The following NRXN1 variants were observed in gnomAD, a reference collection of about 807,000 sequenced individuals.
NRXN1 encodes neurexin-1.
NRXN1 carries 39 observed loss-of-function variants against 150.9 expected under a neutral mutation model. That is an observed-to-expected ratio of 0.26 (90% CI 0.20 to 0.34). NRXN1 has a LOEUF of 0.34. Among genes scored for constraint, NRXN1 ranks in the 10% least tolerant of loss-of-function variants. NRXN1 has a pLI of 1.00. For synonymous variants in NRXN1, 924 were observed against 757.0 expected (o/e 1.22, Z -3.62); for missense variants, 1,815 against 1,949.9 (o/e 0.93, Z 1.30).
chr2:50,544,757 A>G lies in NRXN1; in HGVS notation c.1760-6121T>C, dbSNP rs966933252. On this transcript the variant is annotated intron_variant, in intron 9 of 22. Coordinates refer to ENST00000401669, the MANE Select transcript of NRXN1 (RefSeq NM_001330078.2). Reference sequence around the variant, plus strand: ...CCAATTCTCACATTCAATCCTAGAGATATTCTGACCAATATACACAAAGAT... The same window carrying G: ...CCAATTCTCACATTCAATCCTAGAGGTATTCTGACCAATATACACAAAGAT... Among the ~76,000 whole-genome samples, 9 of 152,140 alleles carry G rather than the reference A, an allele frequency of 5.9e-5. No homozygotes were observed. The East Asian group carries it at 1.7e-3, about 29-fold the overall frequency.
intron 18 of NRXN1, among the ~76,000 whole-genome samples, chr2:50,213,671 T>C (rs1169882407): frequency 6.6e-6 from 1 of 151,912 alleles, no homozygotes; most frequent in Middle Eastern, 3.2e-3. Context: ...AGTCAATTAA[T>C]TATCATGCCT....
At chr2:50,635,315 G>A (rs1238622247) in intron 5 of NRXN1, among the ~76,000 whole-genome samples, 3 of 149,364 alleles carry the variant, frequency 2.0e-5, no homozygotes, top group Non-Finnish European at 3.0e-5. Context: ...CCGCCACCAT[G>A]CCTAGCTTTT....
chr2:50,643,660 C>A (rs927610366), intron 5 of NRXN1, among the ~76,000 whole-genome samples: 45 of 151,892 alleles, frequency 3.0e-4, no homozygotes, highest in African/African-American at 1.1e-3. Context: ...GTATTGTATC[C>A]TTTATGTAAT....
intron 21 of NRXN1, among the ~76,000 whole-genome samples, chr2:49,984,295 A>G (rs1680528419): frequency 6.6e-6 from 1 of 152,230 alleles, no homozygotes; most frequent in Non-Finnish European, 1.5e-5. Flanking sequence ...CAGAACCAGA[A>G]TTCACATATT....
rs985123243 is a variant in NRXN1 at position 50,308,718 on chromosome 2, C to T, written c.3365-71748G>A. 5.3e-5 allele frequency among the ~76,000 whole-genome samples: 8 copies of T among 152,008 alleles called. No individual in the cohort carries two copies. In the South Asian group the frequency reaches 8.3e-4, roughly 16 times the overall value. ...CATGCAATATTTTTCTTTCTGCGTC[C>T]GGCTTATTTCACTTAGTGTTACGCT... On this transcript the variant is annotated intron_variant, in intron 17 of 22. Transcript: ENST00000401669.
rs574515657 is a variant in NRXN1, at chr2:50,598,733, T to C, written c.1320+21289A>G. On this transcript the variant is annotated intron_variant, in intron 8 of 22. Coordinates refer to ENST00000401669, the MANE Select transcript of NRXN1 (RefSeq NM_001330078.2). ...ATATATATGTATATATACACATATATATGTATATATATATATTTTATTTTT... is the reference window on the plus strand; with the variant it reads ...ATATATATGTATATATACACATATACATGTATATATATATATTTTATTTTT... Among the ~76,000 whole-genome samples the C allele has an allele frequency of 4.0e-3, 594 of 147,688 alleles. 3 individuals are homozygous for C. Among genetic ancestry groups the C allele is most frequent in the Middle Eastern group, 0.018 (5 of 280 alleles).
At chr2:50,240,528 G>A (rs2065913794) in intron 17 of NRXN1, among the ~76,000 whole-genome samples, 1 of 151,584 alleles carries the variant, frequency 6.6e-6, no homozygotes, top group Non-Finnish European at 1.5e-5. Context: ...ATCAAATATA[G>A]TGGGTTAGAT....
intron 5 of NRXN1, among the ~76,000 whole-genome samples, chr2:50,768,915 AACACACACAC>A (rs573497722): frequency 6.7e-6 from 1 of 149,124 alleles, no homozygotes; most frequent in African/African-American, 2.5e-5. Context: ...CAACAACAAC[AACACACACAC>A]ACACACACAC....
At chr2:50,332,707 C>A (rs1915166) in intron 17 of NRXN1, among the ~76,000 whole-genome samples, 2 of 152,082 alleles carry the variant, frequency 1.3e-5, no homozygotes, top group African/African-American at 2.4e-5. Flanking sequence ...TTAATAATTC[C>A]CAGCAAGTAA....
At chr2:50,414,980 T>C (rs1280164004) in intron 17 of NRXN1, among the ~76,000 whole-genome samples, 1 of 152,128 alleles carries the variant, frequency 6.6e-6, no homozygotes, top group Non-Finnish European at 1.5e-5. Context: ...GCTCTTTCAA[T>C]GGACACCCTT....
chr2:50,464,127 T>C (rs1317265714), intron 17 of NRXN1: 1 of 151,878 alleles, frequency 6.6e-6, no homozygotes, highest in Non-Finnish European at 1.5e-5. Context: ...AATGGCGTTA[T>C]TGTGTTTTAA....
intron 18 of NRXN1, among the ~76,000 whole-genome samples, chr2:50,192,225 TAA>T (rs1175213362): frequency 6.6e-6 from 1 of 152,174 alleles, no homozygotes; most frequent in Admixed American, 6.5e-5. Context: ...TTATTCAGTG[TAA>T]TAAGAAATCT....
chr2:50,563,650 C>T lies in NRXN1; in HGVS notation c.1321-10625G>A, dbSNP rs868790892. Among the ~76,000 whole-genome samples the T allele has an allele frequency of 3.0e-4, 45 of 152,260 alleles. 1 individual carries two copies. Among genetic ancestry groups the T allele is most frequent in the African/African-American group, 9.6e-4 (40 of 41,564 alleles). On this transcript the variant is annotated intron_variant, in intron 8 of 22. Transcript: ENST00000401669. ...ACTGCTATTGTTCAGAGGGAGTCAA[C>T]AGTGGACAAGATGGAATCTGAATGT...
At chr2:50,123,701 A>G (rs72878149) in intron 18 of NRXN1, among the ~76,000 whole-genome samples, 7,541 of 152,214 alleles carry the variant, frequency 0.05, 614 homozygotes, top group African/African-American at 0.17. Context: ...ATAATCAAGC[A>G]CATTATGGTA....
At chr2:50,612,809 G>A (rs1271921916) in intron 8 of NRXN1, among the ~76,000 whole-genome samples, 1 of 152,152 alleles carries the variant, frequency 6.6e-6, no homozygotes, top group Non-Finnish European at 1.5e-5. Flanking sequence ...GGTCTCATGA[G>A]TTCTCATTTG....
At chr2:50,606,742 T>C (rs537669167) in intron 8 of NRXN1, among the ~76,000 whole-genome samples, 58 of 152,070 alleles carry the variant, frequency 3.8e-4, no homozygotes, top group Middle Eastern at 3.4e-3. Context: ...CTCAGTAAGA[T>C]TGAAAATTAA....
chr2:50,627,617 C>CACAG (rs534946108), intron 5 of NRXN1, among the ~76,000 whole-genome samples: 2,357 of 149,324 alleles, frequency 0.016, 67 homozygotes, highest in African/African-American at 0.055. Context: ...CAGACACAGA[C>CACAG]ACACACACAC....
chr2:50,833,365 G>C (rs910180475), intron 5 of NRXN1, among the ~76,000 whole-genome samples: 1 of 152,260 alleles, frequency 6.6e-6, no homozygotes, highest in South Asian at 2.1e-4. Flanking sequence ...TGTATCCAGA[G>C]AAAGATTTGT....
At chr2:50,282,351 C>A (rs1313895994) in intron 17 of NRXN1, among the ~76,000 whole-genome samples, 1 of 152,140 alleles carries the variant, frequency 6.6e-6, no homozygotes, top group Non-Finnish European at 1.5e-5. Flanking sequence ...TTAATCACAG[C>A]CTCAAACTAA....
Sources: allele counts gnomAD v4.1 joint callset (sites outside exome capture counted in the v4.1 genomes callset), GRCh38; gene constraint gnomAD v4.1.1; transcripts MANE v1.5; gene names NCBI Gene and HGNC (gene_info 2026-07-23, HGNC 2026-07-21).